NINL: variants seen among roughly 807,000 people sequenced by gnomAD.
The protein encoded by NINL is ninein like, also known as ninein-like protein.
NINL carries 153 observed loss-of-function variants against 160.3 expected under a neutral mutation model. The observed-to-expected ratio is 0.95, with a 90% CI of 0.84 to 1.09. NINL has a LOEUF of 1.09. Among genes scored for constraint, NINL ranks in the 50% least tolerant of loss-of-function variants. The pLI is 0.00. For missense variants in NINL, 1,829 were observed against 1,764.0 expected (o/e 1.04, Z -0.66); for synonymous variants, 800 against 734.8 (o/e 1.09, Z -1.43).
At chr20:25,555,986 A>G (rs2064861550) in intron 1 of NINL, among the ~76,000 whole-genome samples, 1 of 148,368 alleles carries the variant, frequency 6.7e-6, no homozygotes, top group South Asian at 2.1e-4. Context: ...ATTTTCAATA[A>G]AAAAAAAAAA....
At chr20:25,499,773 G>A (rs1039908844) in intron 8 of NINL, among the ~76,000 whole-genome samples, 2 of 151,934 alleles carry the variant, frequency 1.3e-5, no homozygotes, top group African/African-American at 4.8e-5. Context: ...TTTTCTGAGG[G>A]AATATGACAG....
At chr20:25,461,092 G>A (rs974783828) in intron 21 of NINL, among the ~76,000 whole-genome samples, 5 of 152,140 alleles carry the variant, frequency 3.3e-5, no homozygotes, top group East Asian at 1.9e-4. Context: ...CACCTCCCGC[G>A]CCTCTCACCT....
At chr20:25,458,842 G>T (rs1600984239) in intron 21 of NINL, 1 of 346,280 alleles carries the variant, frequency 2.9e-6, no homozygotes, top group South Asian at 6.1e-5. Flanking sequence ...ACCTTGCTGG[G>T]GCCTGATTCT....
intron 10 of NINL, among the ~76,000 whole-genome samples, chr20:25,495,575 G>A (rs925832601): frequency 6.6e-5 from 10 of 152,198 alleles, no homozygotes; most frequent in Admixed American, 6.5e-4. Flanking sequence ...CCACTGACAA[G>A]GGAGAATGGC....
chr20:25,492,459 T>A (rs1288515926), intron 10 of NINL, among the ~76,000 whole-genome samples: 1 of 150,096 alleles, frequency 6.7e-6, no homozygotes, highest in East Asian at 1.9e-4. Context: ...ATGGTGTCAT[T>A]TTTTTTTTTG....
chr20:25,562,881 G>A (rs1333338834), intron 1 of NINL, among the ~76,000 whole-genome samples: 2 of 152,150 alleles, frequency 1.3e-5, no homozygotes, highest in Non-Finnish European at 2.9e-5. Flanking sequence ...AAATGACAAA[G>A]AGCAGGCTGG....
At chr20:25,465,577 G>A (rs1245084644) in intron 19 of NINL, among the ~76,000 whole-genome samples, 1 of 152,026 alleles carries the variant, frequency 6.6e-6, no homozygotes, top group Non-Finnish European at 1.5e-5. Flanking sequence ...AAGCAGAAGG[G>A]GTCCCCGACG....
At chr20:25,455,349 C>T (rs1003667079) in intron 23 of NINL, among the ~76,000 whole-genome samples, 8 of 152,218 alleles carry the variant, frequency 5.3e-5, no homozygotes, top group African/African-American at 1.7e-4. Flanking sequence ...AGGGTCAGGT[C>T]TGGGATGCAG....
At chr20:25,458,770 A>C in intron 21 of NINL, 26 of 485,264 alleles carry the variant, frequency 5.4e-5, no homozygotes, top group East Asian at 2.2e-4. Context: ...CACCCTCAAA[A>C]TGGTGACGCT....
At chr20:25,578,929 C>T (rs1043462583) in intron 1 of NINL, among the ~76,000 whole-genome samples, 2 of 151,880 alleles carry the variant, frequency 1.3e-5, no homozygotes, top group Non-Finnish European at 2.9e-5. Context: ...AATGCTTGAA[C>T]CCAGGAGTTC....
intron 1 of NINL, among the ~76,000 whole-genome samples, chr20:25,555,791 C>T (rs7363318): frequency 0.022 from 3,300 of 152,280 alleles, 119 homozygotes; most frequent in African/African-American, 0.075. Context: ...TCTCGTGCCT[C>T]AGCCTCCCAA....
chr20:25,459,849 C>T (rs1483718504), intron 21 of NINL, among the ~76,000 whole-genome samples: 2 of 152,292 alleles, frequency 1.3e-5, no homozygotes, highest in African/African-American at 4.8e-5. Context: ...CAACGCGAGA[C>T]GGGCCACATC....
intron 1 of NINL, among the ~76,000 whole-genome samples, chr20:25,530,033 T>C (rs971918222): frequency 3.9e-5 from 6 of 152,186 alleles, no homozygotes; most frequent in Admixed American, 2.6e-4. Flanking sequence ...CCAAGAATCA[T>C]GAAAAAATCT....
intron 3 of NINL, among the ~76,000 whole-genome samples, chr20:25,516,580 G>T (rs1383226281): frequency 6.6e-6 from 1 of 152,132 alleles, no homozygotes; most frequent in Non-Finnish European, 1.5e-5. Context: ...AGAGGACCAG[G>T]CTGTCACCTC....
intron 10 of NINL, 25 bp from the exon 11 acceptor site, chr20:25,491,550 TC>T (rs887019256): frequency 6.2e-7 from 1 of 1,605,520 alleles, no homozygotes; most frequent in Non-Finnish European, 8.5e-7. Context: ...ACATCACACG[TC>T]AGACATGTCA....
chr20:25,559,627 ATCTTAG>A (rs1450398334), intron 1 of NINL, among the ~76,000 whole-genome samples: 2 of 152,038 alleles, frequency 1.3e-5, no homozygotes, highest in Non-Finnish European at 2.9e-5. Flanking sequence ...TTGAGACAGA[ATCTTAG>A]TCTGTCATCC....
intron 20 of NINL, among the ~76,000 whole-genome samples, chr20:25,461,888 G>A (rs567582004): frequency 2.0e-5 from 3 of 152,296 alleles, no homozygotes; most frequent in Non-Finnish European, 2.9e-5. Flanking sequence ...TCACTGCAGT[G>A]GGAGCGTTTC....
chr20:25,496,439 G>A (rs1408579333), intron 10 of NINL, among the ~76,000 whole-genome samples: 1 of 152,222 alleles, frequency 6.6e-6, no homozygotes, highest in African/African-American at 2.4e-5. Context: ...CGGCCCATGG[G>A]GACGTAGCCA....
chr20:25,537,756 G>A (rs2064585417), intron 1 of NINL, among the ~76,000 whole-genome samples: 1 of 152,156 alleles, frequency 6.6e-6, no homozygotes. Context: ...CGAGCTTCGT[G>A]CCTTCACTGT....
Sources: allele counts gnomAD v4.1 joint callset (sites outside exome capture counted in the v4.1 genomes callset), GRCh38; gene constraint gnomAD v4.1.1; transcripts MANE v1.5; gene names NCBI Gene and HGNC (gene_info 2026-07-23, HGNC 2026-07-21).